The following ALPK1 variants were observed in gnomAD, a reference collection of about 807,000 sequenced individuals.
ALPK1 encodes the protein alpha-protein kinase 1.
In ALPK1, 110 loss-of-function variants were observed where a neutral mutation model predicts 120.6. The observed-to-expected ratio is 0.91, with a 90% CI of 0.78 to 1.07. The LOEUF (loss-of-function observed/expected upper bound fraction) is 1.07. Among genes scored for constraint, ALPK1 ranks in the 50% least tolerant of loss-of-function variants. ALPK1 has a pLI of 0.00. For missense variants in ALPK1, 1,498 were observed against 1,483.9 expected, an observed-to-expected ratio of 1.01 and a Z score of -0.16; for synonymous variants, 582 against 560.3, an observed-to-expected ratio of 1.04 and a Z score of -0.55.
At chr4:112,405,749 G>A (rs1733140589) in intron 4 of ALPK1, among the ~76,000 whole-genome samples, 1 of 152,074 alleles carries the variant, frequency 6.6e-6, no homozygotes, top group African/African-American at 2.4e-5. Context: ...CTAATTTTTT[G>A]TATTTTTAGT....
chr4:112,339,963 A>C (rs769520785), intron 2 of ALPK1, among the ~76,000 whole-genome samples: 1 of 152,246 alleles, frequency 6.6e-6, no homozygotes, highest in Non-Finnish European at 1.5e-5. Flanking sequence ...AAGTGAAATC[A>C]GCATAATATC....
chr4:112,317,590 G>C (rs1728691392), intron 2 of ALPK1, among the ~76,000 whole-genome samples: 1 of 151,960 alleles, frequency 6.6e-6, no homozygotes, highest in Middle Eastern at 3.2e-3. Flanking sequence ...ATACATCGAT[G>C]GTCTATACTA....
At chr4:112,404,731 T>A (rs1358229060) in intron 4 of ALPK1, among the ~76,000 whole-genome samples, 1 of 152,234 alleles carries the variant, frequency 6.6e-6, no homozygotes, top group African/African-American at 2.4e-5. Context: ...AATGCCAGAT[T>A]GTAAACTTTA....
chr4:112,312,494 G>A (rs1438735922), intron 1 of ALPK1, among the ~76,000 whole-genome samples: 1 of 152,156 alleles, frequency 6.6e-6, no homozygotes, highest in African/African-American at 2.4e-5. Flanking sequence ...GGATGGTCTC[G>A]ATCTCCTAAC....
At chr4:112,424,411 G>A (rs1734138605) in intron 6 of ALPK1, among the ~76,000 whole-genome samples, 1 of 152,144 alleles carries the variant, frequency 6.6e-6, no homozygotes, top group Non-Finnish European at 1.5e-5. Flanking sequence ...TTCAGAAAAT[G>A]GATTTGATTT....
At chr4:112,377,498 C>G (rs1409127200) in intron 2 of ALPK1, among the ~76,000 whole-genome samples, 180 bp from the exon 3 acceptor site, 2 of 152,146 alleles carry the variant, frequency 1.3e-5, no homozygotes, top group South Asian at 2.1e-4. Flanking sequence ...CACTCTGAGG[C>G]CTTCGGAGGT....
intron 2 of ALPK1, chr4:112,353,073 T>C (rs1730436777): frequency 6.7e-6 from 1 of 148,864 alleles, no homozygotes; most frequent in Admixed American, 6.8e-5. Context: ...CCTCCCAGGC[T>C]CAAGACATCC....
chr4:112,398,152 A>G (rs1218830682), intron 4 of ALPK1, among the ~76,000 whole-genome samples: 3 of 152,192 alleles, frequency 2.0e-5, no homozygotes, highest in Non-Finnish European at 4.4e-5. Flanking sequence ...AGGAGCAACA[A>G]ATACAAAGAC....
At chr4:112,413,875 A>G (rs1247396154) in intron 5 of ALPK1, among the ~76,000 whole-genome samples, 1 of 152,194 alleles carries the variant, frequency 6.6e-6, no homozygotes, top group Non-Finnish European at 1.5e-5. Flanking sequence ...TCCTGTGTCT[A>G]ACATAAAGGT....
At chr4:112,380,962 T>C (rs1374462627) in intron 3 of ALPK1, among the ~76,000 whole-genome samples, 1 of 152,128 alleles carries the variant, frequency 6.6e-6, no homozygotes, top group Non-Finnish European at 1.5e-5. Flanking sequence ...TGAGGAGAAG[T>C]GGCAATGTTT....
chr4:112,367,352 G>A (rs1291113552), intron 2 of ALPK1, among the ~76,000 whole-genome samples: 2 of 152,130 alleles, frequency 1.3e-5, no homozygotes, highest in Admixed American at 1.3e-4. Context: ...TGGGATCAAG[G>A]AGAATTTTAG....
chr4:112,379,573 G>T (rs1731814822), intron 3 of ALPK1, among the ~76,000 whole-genome samples: 1 of 152,250 alleles, frequency 6.6e-6, no homozygotes, highest in African/African-American at 2.4e-5. Context: ...CTGCGGAGCG[G>T]CTCGAGCAGG....
Position 112,430,446 on chromosome 4 carries a change from A to T in ALPK1, c.901-2A>T, listed in dbSNP as rs902616161. 11 of 1,559,998 alleles carry T rather than the reference A, an allele frequency of 7.1e-6. No individual in the cohort carries two copies. The African/African-American group carries it at 1.4e-4, about 20-fold the overall frequency. ...TGATTTGGTATTTGGTATTTTTCCCAGAATATCCGTGGCACGTGTTTATTG... is the reference window on the plus strand; with the variant it reads ...TGATTTGGTATTTGGTATTTTTCCCTGAATATCCGTGGCACGTGTTTATTG... On this transcript the variant is annotated splice_acceptor_variant, in intron 10 of 15. Transcript: ENST00000650871. LOFTEE classifies it high-confidence loss of function.
Position 112,402,866 on chromosome 4 carries a change from A to T in ALPK1, c.277-8961A>T, listed in dbSNP as rs187474694. 6.9e-4 allele frequency among the ~76,000 whole-genome samples: 105 copies of T among 152,286 alleles called. 3 individuals are homozygous for T. The highest frequency in any genetic ancestry group is 3.5e-3 in the Admixed American group (54 of 15,298). ...TCCCAACACTAAAACTGTTACTGTG[A>T]CACTACCTAAAAAGATCATATTTTT... On this transcript the variant is annotated intron_variant, in intron 4 of 15. Transcript: ENST00000650871.
chr4:112,303,467 T>C (rs1727878934), intron 1 of ALPK1, among the ~76,000 whole-genome samples: 1 of 152,224 alleles, frequency 6.6e-6, no homozygotes, highest in African/African-American at 2.4e-5. Context: ...CAACAATAGC[T>C]AATCAATTTT....
intron 2 of ALPK1, among the ~76,000 whole-genome samples, chr4:112,331,892 G>C (rs1007664772): frequency 1.2e-4 from 19 of 152,326 alleles, no homozygotes; most frequent in African/African-American, 4.3e-4. Context: ...TCTGATTCAG[G>C]TGGGCAGCTT....
chr4:112,328,204 G>C (rs984409581), intron 2 of ALPK1, among the ~76,000 whole-genome samples: 5 of 152,340 alleles, frequency 3.3e-5, no homozygotes, highest in Non-Finnish European at 2.9e-5. Context: ...GACACACCAG[G>C]TTCCTTCTGT....
rs1163728541 is a variant in ALPK1, at chr4:112,430,862, T to C, written c.1315T>C (p.Cys439Arg). 6.2e-7 allele frequency: 1 copy of C among 1,614,064 alleles called. No individual in the cohort carries two copies. ...DRSYVPESFE[C>R]RLDKLILHGQ... ...ATCTTATGTTCCCGAGAGTTTCGAG[T>C]GCAGGTTGGATAAACTTATCTTGCA... The change falls in exon 11 of 16, where the codon TGC becomes CGC. Residue 439 changes from cysteine (C) to arginine (R), a missense_variant. Cys to Arg is a radical substitution (Grantham distance 180). Transcript: ENST00000650871.
At position 112,382,381 on chromosome 4, in the gene ALPK1, A is replaced by G. The variant is rs1358216318; in HGVS notation, c.122-17A>G. On this transcript the variant is annotated splice_polypyrimidine_tract_variant and intron_variant, in intron 3 of 15. Transcript: ENST00000650871. Reference sequence around the variant, plus strand: ...TCTTTGACTGCAATTTCCTTACCTGAACTCTGACCTTTTCAGCTTTACTCC... The same window carrying G: ...TCTTTGACTGCAATTTCCTTACCTGGACTCTGACCTTTTCAGCTTTACTCC... 9 of 1,608,934 alleles carry G rather than the reference A, an allele frequency of 5.6e-6. No homozygotes were observed. The highest frequency in any genetic ancestry group is 6.8e-6 in the Non-Finnish European group (8 of 1,178,990).
Sources: gnomAD v4.1 joint callset for allele counts (sites outside exome capture counted in the v4.1 genomes callset) on GRCh38, gnomAD v4.1.1 for gene constraint, MANE v1.5 for transcripts, NCBI Gene and HGNC (gene_info 2026-07-23, HGNC 2026-07-21) for gene names.